Variants in CDC42BPB observed in about 807,000 individuals in gnomAD.
The protein encoded by CDC42BPB is serine/threonine-protein kinase MRCK beta.
In CDC42BPB, 37 loss-of-function variants were observed where a neutral mutation model predicts 214.9. That is an observed-to-expected ratio of 0.17 (90% CI 0.13 to 0.23). The LOEUF (loss-of-function observed/expected upper bound fraction) is 0.23. Ranked by LOEUF, CDC42BPB falls within the 10% of genes least tolerant of loss-of-function variation. The probability of loss-of-function intolerance (pLI) is 1.00; values close to 1 mark genes in which losing one functional copy is unlikely to be tolerated. For missense variants in CDC42BPB, 1,694 were observed against 2,227.0 expected, an observed-to-expected ratio of 0.76 and a Z score of 4.82; for synonymous variants, 931 against 884.0, an observed-to-expected ratio of 1.05 and a Z score of -0.94.
chr14:103,043,751 C>T (rs187590347), intron 1 of CDC42BPB, among the ~76,000 whole-genome samples: 74 of 151,970 alleles, frequency 4.9e-4, no homozygotes, highest in Admixed American at 1.7e-3. Context: ...CTAAAATAAA[C>T]TATTAGCAGT....
intron 12 of CDC42BPB, among the ~76,000 whole-genome samples, chr14:102,972,629 C>A (rs1405589047): frequency 7.4e-6 from 1 of 134,542 alleles, no homozygotes; most frequent in Non-Finnish European, 1.5e-5. Context: ...GCAGAGGTTG[C>A]AGTGAGCCGA....
In CDC42BPB at chr14:103,034,495, C is replaced by T. The variant is rs75944174; in HGVS notation, c.176-22307G>A. Among the ~76,000 whole-genome samples, 925 of 152,030 alleles carry T rather than the reference C, an allele frequency of 6.1e-3. 12 individuals carry two copies. Among genetic ancestry groups the T allele is most frequent in the African/African-American group, 0.021 (880 of 41,472 alleles). ...AATCAACAACAGGAATTACCATAGCCGGGAAAAAAATAAACTGTTAAGAAA... is the reference window on the plus strand; with the variant it reads ...AATCAACAACAGGAATTACCATAGCTGGGAAAAAAATAAACTGTTAAGAAA... On this transcript the variant is annotated intron_variant, in intron 1 of 36. Coordinates refer to ENST00000361246, the MANE Select transcript of CDC42BPB (RefSeq NM_006035.4).
intron 4 of CDC42BPB, among the ~76,000 whole-genome samples, chr14:103,003,134 C>T (rs1328354443): frequency 1.3e-5 from 2 of 152,312 alleles, no homozygotes; most frequent in African/African-American, 4.8e-5. Flanking sequence ...ACTGCAGAAA[C>T]AGTGCCATTG....
intron 1 of CDC42BPB, among the ~76,000 whole-genome samples, chr14:103,035,229 G>A (rs1443687262): frequency 6.6e-6 from 1 of 151,946 alleles, no homozygotes; most frequent in South Asian, 2.1e-4. Context: ...GGCTAATTTT[G>A]TATTTTTAGT....
chr14:102,977,363 A>C (rs554463624), intron 9 of CDC42BPB, among the ~76,000 whole-genome samples: 35 of 140,402 alleles, frequency 2.5e-4, no homozygotes, highest in African/African-American at 6.9e-4. Flanking sequence ...AAAAAAAAAG[A>C]AGCATGGGGA....
Position 102,939,744 on chromosome 14 carries a change from CTT to C in CDC42BPB, c.4710-19_4710-18del, listed in dbSNP as rs1566839179. ...AGCATCTCTCTGGGGAAAGGACACA[CTT>C]TTGAGATTCATGGATACGTGAGAAT... On this transcript the variant is annotated intron_variant, in intron 33 of 36. Transcript: ENST00000361246. 3.1e-6 allele frequency: 5 copies of C among 1,614,146 alleles called. No homozygotes were observed. Among genetic ancestry groups the C allele is most frequent in the African/African-American group, 1.3e-5 (1 of 75,084 alleles).
chr14:102,972,666 G>A (rs898053898), intron 12 of CDC42BPB, among the ~76,000 whole-genome samples: 174 of 114,456 alleles, frequency 1.5e-3, no homozygotes, highest in African/African-American at 5.5e-3. Flanking sequence ...TCCAGGCTGG[G>A]CGACAGAGCA....
In CDC42BPB at chr14:102,952,894, CTCTT is replaced by C. The variant is rs576275581; in HGVS notation, c.3067-295_3067-292del. 2.0e-3 allele frequency: 416 copies of C among 207,928 alleles called. 2 individuals are homozygous for C. Among genetic ancestry groups the C allele is most frequent in the Non-Finnish European group, 2.7e-3 (322 of 118,984 alleles). 12.9% of individuals were successfully genotyped at this position (207,928 alleles called of 1,614,324 possible). ...GAGGGCCGAGGTGGCATGGCCAGTG[CTCTT>C]TCTGGCTCATGCTCCTGGCCTCCTG... is the stretch of plus-strand genomic sequence containing the variant. On this transcript the variant is annotated intron_variant, in intron 23 of 36. Coordinates refer to ENST00000361246, the MANE Select transcript of CDC42BPB (RefSeq NM_006035.4).
intron 1 of CDC42BPB, among the ~76,000 whole-genome samples, chr14:103,050,748 C>A (rs982277614): frequency 2.0e-5 from 3 of 150,852 alleles, no homozygotes; most frequent in Non-Finnish European, 4.4e-5. Context: ...CAGAGCAAGA[C>A]CCTGTCTTGG....
rs1260785761 is a variant in CDC42BPB, at chr14:102,980,911, C to T, written c.1002G>A (p.Glu334=). Residue 334 remains glutamate (E), a synonymous_variant, in exon 8 of 37, where the codon GAG becomes GAA. Transcript: ENST00000361246. ...RERRLGQNGI[E]DFKKHAFFEG... is the part of the protein sequence containing the mutation. ...CAAAAAACGCATGCTTTTTGAAATCCTCTATTCCATTCTGCCCCAGCCGGC... is the reference window on the plus strand; with the variant it reads ...CAAAAAACGCATGCTTTTTGAAATCTTCTATTCCATTCTGCCCCAGCCGGC... 6.2e-7 allele frequency: 1 copy of T among 1,614,030 alleles called. No individual in the cohort carries two copies. The highest frequency in any genetic ancestry group is 2.2e-5 in the East Asian group (1 of 44,890).
intron 22 of CDC42BPB, 56 bp from the exon 23 acceptor site, chr14:102,954,331 C>G: frequency 6.9e-7 from 1 of 1,444,504 alleles, no homozygotes; most frequent in Non-Finnish European, 9.2e-7. Flanking sequence ...GCTGAGACAC[C>G]TGGCCCTACG....
At chr14:102,959,827 A>G (rs1000727201) in intron 20 of CDC42BPB, 117 bp from the exon 21 acceptor site, 30 of 865,738 alleles carry the variant, frequency 3.5e-5, no homozygotes, top group Admixed American at 5.6e-5. Flanking sequence ...TACATCTGAC[A>G]TGATCACAAT....
intron 1 of CDC42BPB, among the ~76,000 whole-genome samples, chr14:103,034,336 G>C (rs1020647701): frequency 3.3e-5 from 5 of 152,112 alleles, no homozygotes; most frequent in African/African-American, 1.2e-4. Context: ...GGCTCAACTA[G>C]TGAGACCTTA....
In CDC42BPB at chr14:103,057,335, T is replaced by C; in HGVS notation, c.-162A>G. ...CGCGCCCCGGCCTAGGCCGACATCT[T>C]GGGCTCCGTCCCGACGGCGCAGAGT... On this transcript the variant is annotated 5_prime_UTR_variant, in exon 1 of 37. Coordinates refer to ENST00000361246, the MANE Select transcript of CDC42BPB (RefSeq NM_006035.4). The C allele has an allele frequency of 9.7e-7, 1 of 1,030,490 alleles. No homozygotes were observed. The highest frequency in any genetic ancestry group is 1.2e-6 in the Non-Finnish European group (1 of 861,530). 63.8% of individuals were successfully genotyped at this position (1,030,490 alleles called of 1,614,324 possible).
intron 2 of CDC42BPB, among the ~76,000 whole-genome samples, chr14:103,011,305 C>T (rs913316545): frequency 6.6e-6 from 1 of 152,226 alleles, no homozygotes; most frequent in African/African-American, 2.4e-5. Context: ...CAAAGCCAAC[C>T]GGACCCAGAG....
intron 5 of CDC42BPB, among the ~76,000 whole-genome samples, chr14:102,995,674 C>T (rs1894695070): frequency 6.6e-6 from 1 of 152,366 alleles, no homozygotes; most frequent in Admixed American, 6.5e-5. Flanking sequence ...TGCAGACCCC[C>T]GCCTGCGGGG....
intron 2 of CDC42BPB, among the ~76,000 whole-genome samples, chr14:103,011,062 C>T (rs759858263): frequency 9.2e-5 from 14 of 152,204 alleles, no homozygotes; most frequent in Admixed American, 7.2e-4. Context: ...AAAGCTCTTC[C>T]GGTGACTCAC....
In CDC42BPB at chr14:103,021,679, CAA is replaced by C. The variant is rs35207138; in HGVS notation, c.176-9493_176-9492del. Among the ~76,000 whole-genome samples, 373 of 133,274 alleles carry C rather than the reference CAA, an allele frequency of 2.8e-3. 1 individual carries two copies. Among genetic ancestry groups the C allele is most frequent in the Middle Eastern group, 3.8e-3 (1 of 262 alleles). The allele number at this position is 133,274 out of a possible 152,430, so 87.4% of individuals were successfully genotyped here. Reference sequence around the variant, plus strand: ...TGGGCAACAAAGCAAGACCTAGTCTCAAAAAAAAAAAAAAAAGAACATTCAGA... The same window carrying C: ...TGGGCAACAAAGCAAGACCTAGTCTCAAAAAAAAAAAAAAGAACATTCAGA... On this transcript the variant is annotated intron_variant, in intron 1 of 36. Transcript: ENST00000361246.
In CDC42BPB at chr14:103,041,623, C is replaced by A. The variant is rs559290947; in HGVS notation, c.175+15376G>T. On this transcript the variant is annotated intron_variant, in intron 1 of 36. Coordinates refer to ENST00000361246, the MANE Select transcript of CDC42BPB (RefSeq NM_006035.4). ...CATTGCCCTGCACACCGCGTTGGGA[C>A]CCATCCGGCCCATCGTGTGGTGCCG... 4.8e-4 allele frequency: 347 copies of A among 725,412 alleles called. 4 individuals carry two copies. The South Asian group carries it at 5.2e-3, about 11-fold the overall frequency. The allele number at this position is 725,412 out of a possible 1,614,324, so 44.9% of individuals were successfully genotyped here. A position where few individuals can be genotyped will look rare whatever the true frequency, so the allele number is the denominator to read the frequency against.
Sources: allele counts gnomAD v4.1 joint callset (sites outside exome capture counted in the v4.1 genomes callset), GRCh38; gene constraint gnomAD v4.1.1; transcripts MANE v1.5; gene names NCBI Gene and HGNC (gene_info 2026-07-23, HGNC 2026-07-21).